RNF216: variants seen among roughly 807,000 people sequenced by gnomAD.
RNF216 encodes ring finger protein 216.
A neutral mutation model predicts 110.8 loss-of-function variants in RNF216; 72 were observed. The observed-to-expected ratio is 0.65, with a 90% confidence interval of 0.54 to 0.79. The LOEUF (loss-of-function observed/expected upper bound fraction) is 0.79. Among genes scored for constraint, RNF216 ranks in the 30% least tolerant of loss-of-function variants. The pLI, the probability that RNF216 is intolerant of heterozygous loss-of-function variation, is 0.00. For synonymous variants in RNF216, 495 were observed against 407.5 expected, an observed-to-expected ratio of 1.21 and a Z score of -2.59; for missense variants, 1,342 against 1,141.2, an observed-to-expected ratio of 1.18 and a Z score of -2.54.
rs576067638 is a variant in RNF216 at position 5,713,561 on chromosome 7, A to G, written c.1834-698T>C. On this transcript the variant is annotated intron_variant, in intron 11 of 16. Transcript: ENST00000389902. Reference sequence around the variant, plus strand: ...CAGACTGAATCACCCCAGGTAAGAGACTTCAGAGCCATTCAGGTTCATAAT... The same window carrying G: ...CAGACTGAATCACCCCAGGTAAGAGGCTTCAGAGCCATTCAGGTTCATAAT... 6 of 152,272 alleles carry G rather than the reference A, an allele frequency of 3.9e-5. No individual in the cohort carries two copies. In the East Asian group the frequency reaches 1.2e-3, roughly 29 times the overall value. 9.4% of individuals were successfully genotyped at this position (152,272 alleles called of 1,614,324 possible).
intron 13 of RNF216, among the ~76,000 whole-genome samples, chr7:5,673,693 C>G (rs1239671175): frequency 2.6e-5 from 4 of 152,132 alleles, no homozygotes; most frequent in Admixed American, 2.0e-4. Context: ...CTGAGCAACA[C>G]AGCATGACCT....
intron 9 of RNF216, among the ~76,000 whole-genome samples, 167 bp from the exon 10 acceptor site, chr7:5,716,933 G>C (rs1188700332): frequency 6.6e-6 from 1 of 152,196 alleles, no homozygotes; most frequent in African/African-American, 2.4e-5. Context: ...GGATCAGAGA[G>C]CTAGAAAATA....
At chr7:5,669,032 A>G (rs763558799) in intron 13 of RNF216, among the ~76,000 whole-genome samples, 2 of 152,170 alleles carry the variant, frequency 1.3e-5, no homozygotes, top group Non-Finnish European at 2.9e-5. Flanking sequence ...CTGTGGACCT[A>G]ATATTATAAA....
At position 5,715,276 on chromosome 7, in the gene RNF216, C is replaced by A. The variant is rs1400251852; in HGVS notation, c.1696-86G>T. ...TCTCCCATCCTCATCTCTCTGCCAC[C>A]CCCCACACAAATTCTGAGGTAAAGC... On this transcript the variant is annotated intron_variant, in intron 10 of 16. Coordinates refer to ENST00000389902, the MANE Select transcript of RNF216 (RefSeq NM_207111.4). 6 of 1,354,284 alleles carry A rather than the reference C, an allele frequency of 4.4e-6. No homozygotes were observed. In the East Asian group the frequency reaches 7.0e-5, roughly 16 times the overall value. 83.9% of individuals were successfully genotyped at this position (1,354,284 alleles called of 1,614,324 possible). A position where few individuals can be genotyped will look rare whatever the true frequency, so the allele number is the denominator to read the frequency against.
chr7:5,713,191 C>A (rs545571137), intron 11 of RNF216: 10 of 181,382 alleles, frequency 5.5e-5, no homozygotes, highest in Admixed American at 1.7e-4. Context: ...TTCCCCTCTA[C>A]AGATATTAGA....
In RNF216 at chr7:5,622,900, A is replaced by T. The variant is rs1284796065; in HGVS notation, c.2732T>A (p.Leu911Gln). 6.2e-7 allele frequency: 1 copy of T among 1,611,734 alleles called. No individual in the cohort carries two copies. The highest frequency in any genetic ancestry group is 8.5e-7 in the Non-Finnish European group (1 of 1,178,630). The part of the protein sequence containing the change: ...GPIHMPLEHN[L>Q]PMHFGPQPRH... ...CGGCTGGGGGCCAAAGTGCATGGGC[A>T]GGTTGTGCTCCAGGGGCATGTGGAT... Residue 911 changes from leucine to glutamine, a missense_variant, in exon 17 of 17, where the codon CTG becomes CAG. Transcript: ENST00000389902.
At chr7:5,710,607 C>T (rs951434654) in intron 13 of RNF216, among the ~76,000 whole-genome samples, 3 of 152,196 alleles carry the variant, frequency 2.0e-5, no homozygotes, top group Non-Finnish European at 4.4e-5. Context: ...TATCTCTCCC[C>T]ACCTCAGGAC....
At chr7:5,712,571 A>G (rs1220194310) in intron 12 of RNF216, 144 bp downstream of exon 12, 1 of 771,818 alleles carries the variant, frequency 1.3e-6, no homozygotes, top group Non-Finnish European at 2.0e-6. Context: ...TAAATAAGTA[A>G]AATTATTGAT....
rs1020030411 is a variant in RNF216 at position 5,741,352 on chromosome 7, T to G, written c.665A>C (p.Gln222Pro). 47 of 1,614,170 alleles carry G rather than the reference T, an allele frequency of 2.9e-5. No homozygotes were observed. The highest frequency in any genetic ancestry group is 3.6e-5 in the Non-Finnish European group (42 of 1,180,008). ...LGESAALADDQAIEEDCWLDH... is the reference protein window; with the variant it reads ...LGESAALADDPAIEEDCWLDH... Reference sequence around the variant, plus strand: ...TAACCAGCAGTCTTCTTCGATGGCCTGATCATCTGCTAGAGCAGCTGACTC... The same window carrying G: ...TAACCAGCAGTCTTCTTCGATGGCCGGATCATCTGCTAGAGCAGCTGACTC... The change falls in exon 4 of 17, where the codon CAG becomes CCG. Residue 222 changes from glutamine (Q) to proline (P), a missense_variant. Gln to Pro is a moderately conservative substitution (Grantham distance 76). Coordinates refer to ENST00000389902, the MANE Select transcript of RNF216 (RefSeq NM_207111.4).
rs550407208 is a variant in RNF216 at position 5,624,482 on chromosome 7, T to C, written c.2383-357A>G. Reference sequence around the variant, plus strand: ...GGGCTGGGTCTGAGTGGGCACAGCCTGAAAAGTTTCAGATCCCAAGTCCAC... The same window carrying C: ...GGGCTGGGTCTGAGTGGGCACAGCCCGAAAAGTTTCAGATCCCAAGTCCAC... On this transcript the variant is annotated intron_variant, in intron 15 of 16. Transcript: ENST00000389902. The surrounding 1 kb of genome is among the most constrained non-coding windows in gnomAD (Gnocchi z 4.4). 4.6e-5 allele frequency among the ~76,000 whole-genome samples: 7 copies of C among 152,346 alleles called. No individual in the cohort carries two copies. Among genetic ancestry groups the C allele is most frequent in the Admixed American group, 3.3e-4 (5 of 15,312 alleles).
intron 10 of RNF216, 43 bp downstream of exon 10, chr7:5,716,673 C>A: frequency 4.8e-6 from 7 of 1,471,180 alleles, no homozygotes; most frequent in Admixed American, 1.9e-5. Context: ...AGAAAACAGC[C>A]CATGAAAATG....
At chr7:5,764,560 A>C (rs2128674002) in intron 1 of RNF216, among the ~76,000 whole-genome samples, 1 of 152,120 alleles carries the variant, frequency 6.6e-6, no homozygotes, top group South Asian at 2.1e-4. Flanking sequence ...AGGCGAGAGA[A>C]TCGCTTGAAC....
chr7:5,626,175 C>T (rs1364665994), intron 15 of RNF216, among the ~76,000 whole-genome samples: 2 of 152,166 alleles, frequency 1.3e-5, no homozygotes, highest in Non-Finnish European at 2.9e-5. Context: ...AATTCTCTAT[C>T]AAAACCCCCA....
At chr7:5,660,290 TTTTTTTTTTTTTTTTTTTTTG>T in intron 13 of RNF216, among the ~76,000 whole-genome samples, 3 of 86,582 alleles carry the variant, frequency 3.5e-5, no homozygotes, top group African/African-American at 1.5e-4. Flanking sequence ...TTTTTTTTTT[TTTTTTTTTTTTTTTTTTTTTG>T]AGATGGAGTC....
intron 13 of RNF216, among the ~76,000 whole-genome samples, chr7:5,681,693 G>C (rs1331093224): frequency 6.6e-6 from 1 of 152,190 alleles, no homozygotes; most frequent in African/African-American, 2.4e-5. Context: ...GTTGGCCCAA[G>C]CCTCACTGGT....
At chr7:5,747,412 A>G (rs559203768) in intron 3 of RNF216, among the ~76,000 whole-genome samples, 2 of 152,368 alleles carry the variant, frequency 1.3e-5, no homozygotes, top group East Asian at 3.9e-4. Flanking sequence ...TGAGGATGAT[A>G]TTCAGGACCT....
chr7:5,657,001 CTGTG>C (rs900503940), intron 13 of RNF216, among the ~76,000 whole-genome samples: 2 of 152,262 alleles, frequency 1.3e-5, no homozygotes, highest in South Asian at 2.1e-4. Context: ...TCACCGGGTT[CTGTG>C]TTTGTTTCCT....
intron 15 of RNF216, among the ~76,000 whole-genome samples, chr7:5,630,247 G>A (rs1414677658): frequency 6.6e-6 from 1 of 152,184 alleles, no homozygotes; most frequent in Non-Finnish European, 1.5e-5. Context: ...AAGAGAGGCT[G>A]CTGGCGTCAC....
chr7:5,733,680 G>C (rs1317335327), intron 5 of RNF216, among the ~76,000 whole-genome samples: 3 of 133,894 alleles, frequency 2.2e-5, no homozygotes, highest in African/African-American at 5.4e-5. Flanking sequence ...AAAAAAAAAA[G>C]GAATTCAAAG....
Sources: allele counts gnomAD v4.1 joint callset (sites outside exome capture counted in the v4.1 genomes callset), GRCh38; gene constraint gnomAD v4.1.1; non-coding constraint Gnocchi (gnomAD v3.1); transcripts MANE v1.5; gene names NCBI Gene and HGNC (gene_info 2026-07-23, HGNC 2026-07-21).